The following ST6GALNAC3 variants were observed in gnomAD, a reference collection of about 807,000 sequenced individuals.
The protein encoded by ST6GALNAC3 is ST6 N-acetylgalactosaminide alpha-2,6-sialyltransferase 3.
In ST6GALNAC3, 25 loss-of-function variants were observed where a neutral mutation model predicts 32.7. The ratio of observed to expected loss-of-function variants is 0.76; its 90% CI spans 0.56 to 1.07. The LOEUF (loss-of-function observed/expected upper bound fraction) is 1.07, where lower values mean the gene tolerates loss of function less well. Among genes scored for constraint, ST6GALNAC3 ranks in the 50% least tolerant of loss-of-function variants. ST6GALNAC3 has a pLI of 0.00. For synonymous variants in ST6GALNAC3, 129 were observed against 133.1 expected (o/e 0.97, Z 0.21); for missense variants, 355 against 382.4 (o/e 0.93, Z 0.60).
At chr1:76,591,402 GGT>G (rs1406719129) in intron 3 of ST6GALNAC3, among the ~76,000 whole-genome samples, 2 of 151,910 alleles carry the variant, frequency 1.3e-5, no homozygotes, top group Non-Finnish European at 2.9e-5. Flanking sequence ...TTTGACATTA[GGT>G]GTGTGTGTGG....
chr1:76,149,218 T>C (rs1379250306), intron 1 of ST6GALNAC3, among the ~76,000 whole-genome samples: 3 of 152,198 alleles, frequency 2.0e-5, no homozygotes, highest in African/African-American at 7.2e-5. Context: ...TCAAATCATG[T>C]TTGTTTGATA....
chr1:76,143,549 A>G (rs1315666520), intron 1 of ST6GALNAC3, among the ~76,000 whole-genome samples: 1 of 152,158 alleles, frequency 6.6e-6, no homozygotes, highest in African/African-American at 2.4e-5. Flanking sequence ...AAGAGGACTT[A>G]AAACCTTTGA....
intron 3 of ST6GALNAC3, among the ~76,000 whole-genome samples, chr1:76,431,832 T>TC (rs1238594651): frequency 6.6e-6 from 1 of 152,100 alleles, no homozygotes; most frequent in Non-Finnish European, 1.5e-5. Context: ...CAGTGACACA[T>TC]CATTATCCCC....
At chr1:76,285,044 G>A (rs1317427330) in intron 1 of ST6GALNAC3, among the ~76,000 whole-genome samples, 3 of 152,162 alleles carry the variant, frequency 2.0e-5, no homozygotes, top group Admixed American at 6.5e-5. Flanking sequence ...GCAAGGAAAG[G>A]AAGATCTGAG....
intron 3 of ST6GALNAC3, among the ~76,000 whole-genome samples, chr1:76,565,741 G>A (rs1185684646): frequency 6.6e-6 from 1 of 152,098 alleles, no homozygotes; most frequent in Non-Finnish European, 1.5e-5. Context: ...CCAAAGCTGT[G>A]GATATTCAAT....
chr1:76,225,713 A>G (rs1438803096), intron 1 of ST6GALNAC3, among the ~76,000 whole-genome samples: 1 of 152,208 alleles, frequency 6.6e-6, no homozygotes, highest in Non-Finnish European at 1.5e-5. Context: ...TAGTTGGCTA[A>G]TAAGTTACAT....
chr1:76,538,304 TG>T (rs563363500), intron 3 of ST6GALNAC3, among the ~76,000 whole-genome samples: 108 of 152,276 alleles, frequency 7.1e-4, no homozygotes, highest in Middle Eastern at 3.4e-3. Flanking sequence ...AAAAGGTATT[TG>T]ATAAAATTCA....
At chr1:76,337,695 A>G (rs1470977295) in intron 2 of ST6GALNAC3, among the ~76,000 whole-genome samples, 1 of 152,086 alleles carries the variant, frequency 6.6e-6, no homozygotes, top group East Asian at 1.9e-4. Context: ...CCCAAGGTTT[A>G]TTTGCATATT....
At chr1:76,542,793 C>T (rs1322741369) in intron 3 of ST6GALNAC3, among the ~76,000 whole-genome samples, 4 of 152,190 alleles carry the variant, frequency 2.6e-5, no homozygotes, top group Non-Finnish European at 4.4e-5. Flanking sequence ...TGAAGAGACT[C>T]ATTACGGACA....
chr1:76,356,708 T>A (rs1649481741), intron 2 of ST6GALNAC3, among the ~76,000 whole-genome samples: 1 of 152,156 alleles, frequency 6.6e-6, no homozygotes, highest in Non-Finnish European at 1.5e-5. Flanking sequence ...ATTCTAATTA[T>A]GTCAGCTAGT....
chr1:76,347,954 A>G (rs1648656159), intron 2 of ST6GALNAC3, among the ~76,000 whole-genome samples: 1 of 152,190 alleles, frequency 6.6e-6, no homozygotes, highest in Admixed American at 6.5e-5. Flanking sequence ...TTCATTTTGG[A>G]ACTTAATAAA....
chr1:76,147,873 G>A (rs146416858), intron 1 of ST6GALNAC3, among the ~76,000 whole-genome samples: 116 of 152,098 alleles, frequency 7.6e-4, no homozygotes, highest in African/African-American at 2.8e-3. Flanking sequence ...ACCCCTCAGA[G>A]CCTAACTCTC....
chr1:76,632,284 A>G lies in ST6GALNAC3; in HGVS notation c.*3478A>G, dbSNP rs192532424. 2 of 152,250 alleles carry G rather than the reference A, an allele frequency of 1.3e-5. No individual in the cohort carries two copies. The highest frequency in any genetic ancestry group is 4.8e-5 in the African/African-American group (2 of 41,550). The allele number at this position is 152,250 out of a possible 1,614,324, so 9.4% of individuals were successfully genotyped here. ...ATCATATTCAAAAGCTGGCCAGAAG[A>G]ATAAAGCTAGAGAAGCTGCTAAATC... On this transcript the variant is annotated 3_prime_UTR_variant, in exon 5 of 5. Coordinates refer to ENST00000328299, the MANE Select transcript of ST6GALNAC3 (RefSeq NM_152996.4).
chr1:76,516,772 C>T (rs1474538033), intron 3 of ST6GALNAC3, among the ~76,000 whole-genome samples: 1 of 152,024 alleles, frequency 6.6e-6, no homozygotes, highest in African/African-American at 2.4e-5. Context: ...TATATTTTCT[C>T]TTGTAAATGG....
intron 1 of ST6GALNAC3, among the ~76,000 whole-genome samples, chr1:76,190,985 G>A (rs1653863375): frequency 6.6e-6 from 1 of 152,148 alleles, no homozygotes; most frequent in African/African-American, 2.4e-5. Flanking sequence ...AAAATTCAGA[G>A]TTGCTGGCCC....
At chr1:76,278,506 G>A (rs1174198109) in intron 1 of ST6GALNAC3, among the ~76,000 whole-genome samples, 1 of 151,902 alleles carries the variant, frequency 6.6e-6, no homozygotes, top group African/African-American at 2.4e-5. Context: ...TAGGCTGCTA[G>A]GCATTCTTTT....
In ST6GALNAC3 at chr1:76,488,411, C is replaced by T. The variant is rs537252520; in HGVS notation, c.623+75994C>T. Among the ~76,000 whole-genome samples the T allele has an allele frequency of 6.6e-5, 10 of 152,184 alleles. No homozygotes were observed. The East Asian group carries it at 1.9e-3, about 29-fold the overall frequency. Reference sequence around the variant, plus strand: ...CTAGCACCATGCTTCCTGTAAAGCCCGCAAAACCATGAGCCGATTAAAACA... The same window carrying T: ...CTAGCACCATGCTTCCTGTAAAGCCTGCAAAACCATGAGCCGATTAAAACA... On this transcript the variant is annotated intron_variant, in intron 3 of 4. Transcript: ENST00000328299.
At chr1:76,357,305 T>C (rs1333539728) in intron 2 of ST6GALNAC3, among the ~76,000 whole-genome samples, 1 of 152,018 alleles carries the variant, frequency 6.6e-6, no homozygotes, top group Non-Finnish European at 1.5e-5. Context: ...CAGCTACTTT[T>C]TTGTATTTTT....
chr1:76,525,791 G>GTGTATATATATATATATA lies in ST6GALNAC3; in HGVS notation c.624-101660_624-101659insGTATATATATATATATAT, dbSNP rs1438917629. Among the ~76,000 whole-genome samples the GTGTATATATATATATATA allele has an allele frequency of 2.2e-3, 168 of 75,484 alleles. 2 individuals are homozygous for GTGTATATATATATATATA. The highest frequency in any genetic ancestry group is 3.9e-3 in the Non-Finnish European group (129 of 33,014). The allele number at this position is 75,484 out of a possible 152,430, so 49.5% of individuals were successfully genotyped here. A position where few individuals can be genotyped will look rare whatever the true frequency, so the allele number is the denominator to read the frequency against. ...TGTGTTTGTGTGTGTGTGTGTGTGT[G>GTGTATATATATATATATA]TATATATATATATATATATATATAT... On this transcript the variant is annotated intron_variant, in intron 3 of 4. Coordinates refer to ENST00000328299, the MANE Select transcript of ST6GALNAC3 (RefSeq NM_152996.4).
Sources: gnomAD v4.1 joint callset for allele counts (sites outside exome capture counted in the v4.1 genomes callset) on GRCh38, gnomAD v4.1.1 for gene constraint, MANE v1.5 for transcripts, NCBI Gene and HGNC (gene_info 2026-07-23, HGNC 2026-07-21) for gene names.